Variants in FAM240B observed in about 807,000 individuals in gnomAD.
FAM240B encodes family with sequence similarity 240 member B, also known as protein FAM240B.
intron 2 of FAM240B, among the ~76,000 whole-genome samples, chr9:38,695,293 C>T (rs1441542902): frequency 2.0e-5 from 3 of 152,182 alleles, no homozygotes; most frequent in African/African-American, 4.8e-5. Flanking sequence ...CCGAGGCGGG[C>T]GGATCGCGCA....
chr9:38,718,434 G>T (rs144674225), intron 1 of FAM240B, among the ~76,000 whole-genome samples: 297 of 152,302 alleles, frequency 2.0e-3, no homozygotes, highest in African/African-American at 6.7e-3. Context: ...TGACATAACA[G>T]TATGGGCTGT....
intron 1 of FAM240B, among the ~76,000 whole-genome samples, chr9:38,708,761 G>A (rs1311511483): frequency 6.6e-6 from 1 of 152,162 alleles, no homozygotes; most frequent in East Asian, 1.9e-4. Flanking sequence ...AGCATCAAAA[G>A]TGCTAACTGA....
At position 38,716,278 on chromosome 9, in the gene FAM240B, C is replaced by G. The variant is rs1409464372; in HGVS notation, c.-4+3744G>C. On this transcript the variant is annotated intron_variant, in intron 1 of 2. Coordinates refer to ENST00000637493, the MANE Select transcript of FAM240B (RefSeq NM_001394922.1). ...CCTGAGATCAGGAGTTCGAGACCAG[C>G]CTGGCCAACACAGTGAAATCCCATC... is the stretch of plus-strand genomic sequence containing the variant. 2.6e-5 allele frequency among the ~76,000 whole-genome samples: 4 copies of G among 152,234 alleles called. No individual in the cohort carries two copies. In the East Asian group the frequency reaches 7.7e-4, roughly 29 times the overall value.
chr9:38,700,649 T>C (rs989566873), intron 2 of FAM240B, among the ~76,000 whole-genome samples: 1 of 152,264 alleles, frequency 6.6e-6, no homozygotes, highest in African/African-American at 2.4e-5. Context: ...ACATCATGCC[T>C]ATACGACACT....
At chr9:38,713,491 A>AC (rs2119013231) in intron 1 of FAM240B, among the ~76,000 whole-genome samples, 1 of 149,748 alleles carries the variant, frequency 6.7e-6, no homozygotes, top group East Asian at 1.9e-4. Context: ...CAAAAAAAAA[A>AC]AAAAAAAAAA....
intron 1 of FAM240B, among the ~76,000 whole-genome samples, chr9:38,711,342 T>C (rs1313988164): frequency 6.6e-6 from 1 of 152,214 alleles, no homozygotes; most frequent in Non-Finnish European, 1.5e-5. Flanking sequence ...CCATTTCCAC[T>C]CAGGTGGTCT....
intron 1 of FAM240B, among the ~76,000 whole-genome samples, chr9:38,711,221 TAAAC>T (rs927679141): frequency 6.6e-6 from 1 of 152,192 alleles, no homozygotes; most frequent in African/African-American, 2.4e-5. Flanking sequence ...ATGGTAAGGA[TAAAC>T]AAACAAACAA....
At chr9:38,712,532 G>A (rs999140698) in intron 1 of FAM240B, among the ~76,000 whole-genome samples, 5 of 152,064 alleles carry the variant, frequency 3.3e-5, no homozygotes, top group South Asian at 2.1e-4. Context: ...TCCTGTATTC[G>A]TGAGCGAGAA....
chr9:38,719,299 T>C (rs141412935), intron 1 of FAM240B, among the ~76,000 whole-genome samples: 18 of 152,166 alleles, frequency 1.2e-4, no homozygotes, highest in African/African-American at 4.3e-4. Flanking sequence ...TTGAGAGGAT[T>C]AGTTCTATTT....
intron 2 of FAM240B, among the ~76,000 whole-genome samples, chr9:38,697,451 T>C (rs561818057): frequency 1.3e-5 from 2 of 152,302 alleles, no homozygotes; most frequent in East Asian, 1.9e-4. Flanking sequence ...TCCTTCTTTT[T>C]CTCCTTCATG....
At chr9:38,716,033 A>T (rs1033546925) in intron 1 of FAM240B, among the ~76,000 whole-genome samples, 1 of 152,194 alleles carries the variant, frequency 6.6e-6, no homozygotes, top group African/African-American at 2.4e-5. Context: ...TCTGCCATGC[A>T]CAGAGATGCT....
rs141281684 is a variant in FAM240B, at chr9:38,704,482, T to A, written c.-3-480A>T. On this transcript the variant is annotated intron_variant, in intron 1 of 2. Coordinates refer to ENST00000637493, the MANE Select transcript of FAM240B (RefSeq NM_001394922.1). Reference sequence around the variant, plus strand: ...TGACTCAGTTGTAATATCTTACTAGTTTTTTCCTTATTTATAAGTTAAATA... The same window carrying A: ...TGACTCAGTTGTAATATCTTACTAGATTTTTCCTTATTTATAAGTTAAATA... Among the ~76,000 whole-genome samples the A allele has an allele frequency of 2.6e-4, 40 of 152,318 alleles. 1 individual carries two copies. In the East Asian group the frequency reaches 7.5e-3, roughly 29 times the overall value.
chr9:38,705,575 C>T (rs1398983156), intron 1 of FAM240B: 25 of 85,978 alleles, frequency 2.9e-4, no homozygotes. Flanking sequence ...GGCGACAGAG[C>T]AAGACTCCAA....
At chr9:38,716,258 G>A (rs1045991818) in intron 1 of FAM240B, among the ~76,000 whole-genome samples, 27 of 152,308 alleles carry the variant, frequency 1.8e-4, no homozygotes, top group Middle Eastern at 3.4e-3. Flanking sequence ...GATCACCTGA[G>A]ATCAGGAGTT....
rs139051753 is a variant in FAM240B, at chr9:38,698,419, T to C, written c.144-3550A>G. ...TGAATAAAATCACATTTCATTATTATTCTCTGTGAGAATCAGGTGACTATA... is the reference window on the plus strand; with the variant it reads ...TGAATAAAATCACATTTCATTATTACTCTCTGTGAGAATCAGGTGACTATA... On this transcript the variant is annotated intron_variant, in intron 2 of 2. Transcript: ENST00000637493. 2.3e-3 allele frequency among the ~76,000 whole-genome samples: 356 copies of C among 152,384 alleles called. 2 individuals are homozygous for C. Among genetic ancestry groups the C allele is most frequent in the African/African-American group, 8.3e-3 (344 of 41,596 alleles).
intron 1 of FAM240B, among the ~76,000 whole-genome samples, chr9:38,716,151 C>T (rs1048643437): frequency 3.9e-5 from 6 of 152,174 alleles, no homozygotes; most frequent in African/African-American, 1.4e-4. Flanking sequence ...AGACCCTTAA[C>T]TACTGTGGGG....
chr9:38,717,366 G>A (rs1034557429), intron 1 of FAM240B, among the ~76,000 whole-genome samples: 2 of 152,060 alleles, frequency 1.3e-5, no homozygotes, highest in Non-Finnish European at 2.9e-5. Context: ...GGATCACGAG[G>A]TCAGGAGATC....
intron 1 of FAM240B, among the ~76,000 whole-genome samples, chr9:38,719,412 T>C (rs1311977109): frequency 1.3e-5 from 2 of 152,202 alleles, no homozygotes; most frequent in African/African-American, 4.8e-5. Flanking sequence ...AACTCACTTT[T>C]ATAATAAAAA....
At chr9:38,698,371 C>T (rs996311695) in intron 2 of FAM240B, among the ~76,000 whole-genome samples, 4 of 152,128 alleles carry the variant, frequency 2.6e-5, no homozygotes, top group Admixed American at 2.0e-4. Context: ...CCAGTTGGCC[C>T]AGATACAAGA....
Sources: gnomAD v4.1 joint callset for allele counts (sites outside exome capture counted in the v4.1 genomes callset) on GRCh38, gnomAD v4.1.1 for gene constraint, MANE v1.5 for transcripts, NCBI Gene and HGNC (gene_info 2026-07-23, HGNC 2026-07-21) for gene names.